The following RRP1B variants were observed in gnomAD, a reference collection of about 807,000 sequenced individuals.
RRP1B encodes the protein ribosomal RNA processing 1B.
In RRP1B, 56 loss-of-function variants were observed where a neutral mutation model predicts 80.2. The observed-to-expected ratio is 0.70, with a 90% CI of 0.56 to 0.87. The LOEUF (loss-of-function observed/expected upper bound fraction) is 0.87, where lower values mean the gene tolerates loss of function less well. Among genes scored for constraint, RRP1B ranks in the 40% least tolerant of loss-of-function variants. The pLI is 0.00. For synonymous variants in RRP1B, 351 were observed against 357.6 expected (o/e 0.98, Z 0.21); for missense variants, 807 against 939.8 (o/e 0.86, Z 1.85).
Position 43,687,544 on chromosome 21 carries a change from G to A in RRP1B, c.1170G>A (p.Glu390=), listed in dbSNP as rs751711284. ...GCAGAGTCTTTTGTGTAGAGGAAGA[G>A]GACAGTGAAAGCAGTCTTCAAAAGA... ...KGSRVFCVEE[E]DSESSLQKRR... Residue 390 remains glutamate (E), a synonymous_variant, in exon 13 of 16, where the codon GAG becomes GAA. Transcript: ENST00000340648. 2.0e-6 allele frequency: 3 copies of A among 1,497,516 alleles called. No individual in the cohort carries two copies. The highest frequency in any genetic ancestry group is 4.6e-5 in the Admixed American group (2 of 43,956). 92.8% of individuals were successfully genotyped at this position (1,497,516 alleles called of 1,614,324 possible).
At chr21:43,684,932 T>A (rs1165999340) in intron 10 of RRP1B, among the ~76,000 whole-genome samples, 1 of 152,138 alleles carries the variant, frequency 6.6e-6, no homozygotes, top group Non-Finnish European at 1.5e-5. Context: ...AACCAGAAAC[T>A]GATGTGAATC....
intron 1 of RRP1B, among the ~76,000 whole-genome samples, chr21:43,664,259 C>G (rs371868173): frequency 1.3e-5 from 2 of 151,274 alleles, no homozygotes; most frequent in East Asian, 3.9e-4. Context: ...TCACCTGAAC[C>G]CGGGAGGCAG....
Position 43,676,671 on chromosome 21 carries a change from G to A in RRP1B, c.615-62G>A, listed in dbSNP as rs533880831. ...GTGCAGGGCTTCCCTCTGTGCCCCTGAAGCCAGAAGGCCAGGCCGTTTGTT... is the reference window on the plus strand; with the variant it reads ...GTGCAGGGCTTCCCTCTGTGCCCCTAAAGCCAGAAGGCCAGGCCGTTTGTT... On this transcript the variant is annotated intron_variant, in intron 7 of 15. Transcript: ENST00000340648. 101 of 1,486,066 alleles carry A rather than the reference G, an allele frequency of 6.8e-5. No individual in the cohort carries two copies. The South Asian group carries it at 1.2e-3, about 17-fold the overall frequency. The allele number at this position is 1,486,066 out of a possible 1,614,324, so 92.1% of individuals were successfully genotyped here. A position where few individuals can be genotyped will look rare whatever the true frequency, so the allele number is the denominator to read the frequency against.
At chr21:43,674,745 GGTA>G in intron 5 of RRP1B, 48 bp downstream of exon 5, 1 of 1,498,040 alleles carries the variant, frequency 6.7e-7, no homozygotes, top group Non-Finnish European at 9.1e-7. Flanking sequence ...AAACTTAAAA[GGTA>G]GTAGAGTGTC....
intron 14 of RRP1B, among the ~76,000 whole-genome samples, 171 bp downstream of exon 14, chr21:43,690,611 C>G (rs1361026910): frequency 6.6e-6 from 1 of 152,118 alleles, no homozygotes; most frequent in African/African-American, 2.4e-5. Flanking sequence ...TGGTCTGGGA[C>G]CCACCCTGAG....
In RRP1B at chr21:43,695,377, A is replaced by G. The variant is rs2083103490; in HGVS notation, c.*1994A>G. 1 of 152,178 alleles carries G rather than the reference A, an allele frequency of 6.6e-6. No homozygotes were observed. Among genetic ancestry groups the G allele is most frequent in the Non-Finnish European group, 1.5e-5 (1 of 68,026 alleles). The allele number at this position is 152,178 out of a possible 1,614,324, so 9.4% of individuals were successfully genotyped here. A position where few individuals can be genotyped will look rare whatever the true frequency, so the allele number is the denominator to read the frequency against. ...CCTAGCATTTCTATATTATCTGTCCATTCTGAGGAACCAGTGAATGTCCTA... is the reference window on the plus strand; with the variant it reads ...CCTAGCATTTCTATATTATCTGTCCGTTCTGAGGAACCAGTGAATGTCCTA... On this transcript the variant is annotated 3_prime_UTR_variant, in exon 16 of 16. Coordinates refer to ENST00000340648, the MANE Select transcript of RRP1B (RefSeq NM_015056.3).
intron 1 of RRP1B, among the ~76,000 whole-genome samples, chr21:43,666,716 CAAAA>C (rs34846277): frequency 1.6e-5 from 2 of 126,990 alleles, no homozygotes. Flanking sequence ...AAACTGTCTC[CAAAA>C]AAAAAAAAAA....
intron 1 of RRP1B, among the ~76,000 whole-genome samples, chr21:43,668,651 G>A (rs1282369158): frequency 6.6e-6 from 1 of 152,124 alleles, no homozygotes; most frequent in Non-Finnish European, 1.5e-5. Context: ...TTACAGGCAT[G>A]AGCCACCGCG....
rs369257229 is a variant in RRP1B at position 43,691,522 on chromosome 21, C to T, written c.2083+20C>T. ...CTGCCGGTAAGTGGGGTTTTGCCAG[C>T]GGCAAGCTTCTCTGGAGCACAGCTG... On this transcript the variant is annotated intron_variant, in intron 15 of 15. Coordinates refer to ENST00000340648, the MANE Select transcript of RRP1B (RefSeq NM_015056.3). This position sits in a 1 kb window ranked among gnomAD's most constrained non-coding sequence, Gnocchi z 4.2. 104 of 1,612,380 alleles carry T rather than the reference C, an allele frequency of 6.5e-5. No individual in the cohort carries two copies. Among genetic ancestry groups the T allele is most frequent in the Non-Finnish European group, 8.6e-5 (101 of 1,178,752 alleles).
At chr21:43,676,213 A>G (rs2147167918) in intron 6 of RRP1B, 59 bp from the exon 7 acceptor site, 1 of 1,251,150 alleles carries the variant, frequency 8.0e-7, no homozygotes, top group East Asian at 2.4e-5. Context: ...TCCCTTTTTC[A>G]AGGACATGTC....
At chr21:43,675,670 T>G (rs1568957082) in intron 6 of RRP1B, among the ~76,000 whole-genome samples, 1 of 152,186 alleles carries the variant, frequency 6.6e-6, no homozygotes, top group Admixed American at 6.5e-5. Context: ...ATAATTCTTT[T>G]GTCTCACACT....
intron 1 of RRP1B, among the ~76,000 whole-genome samples, chr21:43,661,937 G>A (rs62226936): frequency 0.032 from 4,925 of 152,210 alleles, 269 homozygotes; most frequent in African/African-American, 0.11. Flanking sequence ...AAAAAGCCTC[G>A]CCTAGCATCT....
Position 43,659,750 on chromosome 21 carries a change from A to G in RRP1B, c.86A>G (p.Lys29Arg), listed in dbSNP as rs531157051. 20 of 1,526,094 alleles carry G rather than the reference A, an allele frequency of 1.3e-5. No individual in the cohort carries two copies. In the East Asian group the frequency reaches 5.0e-4, roughly 38 times the overall value. The allele number at this position is 1,526,094 out of a possible 1,614,324, so 94.5% of individuals were successfully genotyped here. ...SEKGIRDRAV[K>R]KLRQYISVKT... The stretch of plus-strand genomic sequence containing the variant: ...AAGGGCATCCGGGACCGAGCGGTGA[A>G]GAAGCTGCGCCAGTACATCAGCGTG... Residue 29 changes from lysine to arginine, a missense_variant, in exon 1 of 16, where the codon AAG becomes AGG. By Grantham distance (26) the Lys-to-Arg change is conservative. Transcript: ENST00000340648. The surrounding 1 kb of genome is among the most constrained non-coding windows in gnomAD (Gnocchi z 4.2).
At chr21:43,669,514 T>G (rs2147163281) in intron 1 of RRP1B, among the ~76,000 whole-genome samples, 2 of 152,272 alleles carry the variant, frequency 1.3e-5, no homozygotes, top group Middle Eastern at 3.4e-3. Context: ...GATTTGCAGT[T>G]TTACTTCACA....
At chr21:43,670,652 G>A (rs1470366943) in intron 2 of RRP1B, among the ~76,000 whole-genome samples, 4 of 152,154 alleles carry the variant, frequency 2.6e-5, no homozygotes, top group Non-Finnish European at 5.9e-5. Context: ...ACACAAATTC[G>A]GAAACTTTCT....
At chr21:43,669,175 G>C (rs932712536) in intron 1 of RRP1B, among the ~76,000 whole-genome samples, 2 of 151,900 alleles carry the variant, frequency 1.3e-5, no homozygotes, top group Admixed American at 1.3e-4. Flanking sequence ...AGCCAACCTG[G>C]TGATGCCACA....
At position 43,667,173 on chromosome 21, in the gene RRP1B, G is replaced by A. The variant is rs536915406; in HGVS notation, c.131-2711G>A. Among the ~76,000 whole-genome samples, 148 of 152,162 alleles carry A rather than the reference G, an allele frequency of 9.7e-4. 2 individuals carry two copies. Among genetic ancestry groups the A allele is most frequent in the African/African-American group, 3.4e-3 (140 of 41,520 alleles). ...TGTTAATGATCGGTCGGTGGGTTTG[G>A]GTGTTGATGGTCTGACACATCCACT... On this transcript the variant is annotated intron_variant, in intron 1 of 15. Transcript: ENST00000340648.
intron 2 of RRP1B, among the ~76,000 whole-genome samples, chr21:43,670,709 T>C (rs1317878346): frequency 1.3e-5 from 2 of 151,910 alleles, no homozygotes; most frequent in East Asian, 1.9e-4. Flanking sequence ...CTATTACTAG[T>C]GTTAGTGTAT....
intron 1 of RRP1B, 142 bp from the exon 2 acceptor site, chr21:43,669,742 A>G: frequency 1.8e-6 from 1 of 570,306 alleles, no homozygotes; most frequent in Non-Finnish European, 3.1e-6. Flanking sequence ...CTTTTATAAC[A>G]ATAAGGAAAT....
Sources: gnomAD v4.1 joint callset for allele counts (sites outside exome capture counted in the v4.1 genomes callset) on GRCh38, gnomAD v4.1.1 for gene constraint, Gnocchi (gnomAD v3.1) non-coding constraint, MANE v1.5 for transcripts, NCBI Gene and HGNC (gene_info 2026-07-23, HGNC 2026-07-21) for gene names.